ZSWIM5: variants seen among roughly 807,000 people sequenced by gnomAD.
ZSWIM5 encodes the protein zinc finger SWIM-type containing 5.
Under a neutral mutation model 119.6 loss-of-function variants are expected in ZSWIM5, and 55 were observed. The observed-to-expected ratio is 0.46, with a 90% CI of 0.37 to 0.58. The LOEUF is 0.58. Among genes scored for constraint, ZSWIM5 ranks in the 20% least tolerant of loss-of-function variants. ZSWIM5 has a pLI of 0.00. For synonymous variants in ZSWIM5, 537 were observed against 606.9 expected (o/e 0.88, Z 1.69); for missense variants, 1,193 against 1,512.8 (o/e 0.79, Z 3.51).
In ZSWIM5 at chr1:45,140,845, G is replaced by A. The variant is rs1489016921; in HGVS notation, c.596-52608C>T. Among the ~76,000 whole-genome samples, 4 of 152,166 alleles carry A rather than the reference G, an allele frequency of 2.6e-5. No homozygotes were observed. The East Asian group carries it at 5.8e-4, about 22-fold the overall frequency. ...AGATGCTGAAAAGTCATTAGTAGCA[G>A]ACAGACTGGGAAAGGAGACCAGAAT... On this transcript the variant is annotated intron_variant, in intron 1 of 13. Transcript: ENST00000359600.
At chr1:45,190,696 C>G (rs866470954) in intron 1 of ZSWIM5, among the ~76,000 whole-genome samples, 2 of 152,004 alleles carry the variant, frequency 1.3e-5, no homozygotes, top group Non-Finnish European at 2.9e-5. Context: ...CTGCCCTCAA[C>G]CAAAGTATCA....
At chr1:45,183,979 C>T (rs1468102439) in intron 1 of ZSWIM5, among the ~76,000 whole-genome samples, 1 of 152,134 alleles carries the variant, frequency 6.6e-6, no homozygotes, top group East Asian at 1.9e-4. Flanking sequence ...CCTTGATGAA[C>T]ATTGATGCAA....
At chr1:45,052,612 A>G (rs570112197) in intron 4 of ZSWIM5, among the ~76,000 whole-genome samples, 10 of 151,988 alleles carry the variant, frequency 6.6e-5, no homozygotes, top group Non-Finnish European at 1.5e-4. Context: ...TCTCCCAAAA[A>G]TACAAAAAAT....
At chr1:45,071,445 A>C (rs967989776) in intron 2 of ZSWIM5, among the ~76,000 whole-genome samples, 1 of 137,810 alleles carries the variant, frequency 7.3e-6, no homozygotes, top group Admixed American at 7.9e-5. Context: ...GTTGCAAATG[A>C]CAGAATCTCT....
At chr1:45,125,883 T>C (rs998824389) in intron 1 of ZSWIM5, among the ~76,000 whole-genome samples, 5 of 150,656 alleles carry the variant, frequency 3.3e-5, no homozygotes, top group Admixed American at 6.6e-5. Context: ...TTGGGCAGCA[T>C]AGCAATATCT....
Position 45,018,958 on chromosome 1 carries a change from C to T in ZSWIM5, c.3054G>A (p.Lys1018=), listed in dbSNP as rs765259809. ...GATGGCTCATGGCCAATGAGGCCAGCTTGAAGGCACGTAGCGGGTAGCCAC... is the reference window on the plus strand; with the variant it reads ...GATGGCTCATGGCCAATGAGGCCAGTTTGAAGGCACGTAGCGGGTAGCCAC... The part of the protein sequence containing the change: ...ELRGYPLRAF[K]LASLAMSHLN... Residue 1018 remains lysine (K), a synonymous_variant, in exon 14 of 14, where the codon AAG becomes AAA. Transcript: ENST00000359600. The surrounding 1 kb of genome is among the most constrained non-coding windows in gnomAD (Gnocchi z 6.7). 5 of 1,614,238 alleles carry T rather than the reference C, an allele frequency of 3.1e-6. No individual in the cohort carries two copies. The highest frequency in any genetic ancestry group is 2.2e-5 in the East Asian group (1 of 44,884).
intron 5 of ZSWIM5, among the ~76,000 whole-genome samples, chr1:45,044,774 TAAATATATATATATAA>T (rs1645040414): frequency 3.0e-4 from 1 of 3,292 alleles, no homozygotes; most frequent in Non-Finnish European, 6.3e-4. Context: ...TATATATATA[TAAATATATATATATAA>T]ATATATATAT....
intron 1 of ZSWIM5, among the ~76,000 whole-genome samples, chr1:45,119,793 A>G (rs750085494): frequency 6.6e-6 from 1 of 152,160 alleles, no homozygotes; most frequent in Non-Finnish European, 1.5e-5. Context: ...GTAATGACTT[A>G]CAATCCCAAA....
At position 45,206,553 on chromosome 1, in the gene ZSWIM5, G is replaced by T; in HGVS notation, c.-203C>A. 3.0e-6 allele frequency: 3 copies of T among 1,005,032 alleles called. No homozygotes were observed. Among genetic ancestry groups the T allele is most frequent in the Non-Finnish European group, 3.6e-6 (3 of 843,868 alleles). 62.3% of individuals were successfully genotyped at this position (1,005,032 alleles called of 1,614,324 possible). A position where few individuals can be genotyped will look rare whatever the true frequency, so the allele number is the denominator to read the frequency against. ...CCGCGAGGGCAGACGCGGGCGGCCTGCAGGGTAGCGTGAGGCGGCGCGCGG... is the reference window on the plus strand; with the variant it reads ...CCGCGAGGGCAGACGCGGGCGGCCTTCAGGGTAGCGTGAGGCGGCGCGCGG... On this transcript the variant is annotated 5_prime_UTR_variant, in exon 1 of 14. Transcript: ENST00000359600.
chr1:45,180,375 G>T (rs1277014536), intron 1 of ZSWIM5, among the ~76,000 whole-genome samples: 1 of 152,176 alleles, frequency 6.6e-6, no homozygotes, highest in Non-Finnish European at 1.5e-5. Flanking sequence ...AGCGAGGCTG[G>T]GGGAGGGGCG....
intron 1 of ZSWIM5, 27 bp downstream of exon 1, chr1:45,205,729 C>T (rs1231729582): frequency 2.0e-6 from 3 of 1,526,584 alleles, no homozygotes; most frequent in East Asian, 5.3e-5. Context: ...AGGCTGAGGA[C>T]CCGAGAACGC....
rs1322089823 is a variant in ZSWIM5 at position 45,036,253 on chromosome 1, AG to A, written c.1940del (p.Ala647ValfsTer20). 3 of 1,614,090 alleles carry A rather than the reference AG, an allele frequency of 1.9e-6. No individual in the cohort carries two copies. The highest frequency in any genetic ancestry group is 3.3e-4 in the Middle Eastern group (2 of 6,004). ...RPPVYQHVPV[A>X]AGSPNSSESY... is the part of the protein sequence containing the mutation. ...ACTCACTGCTGTTTGGGGAGCCTGC[AG>A]CCACAGGTACATGCTGGTACACAGG... is the stretch of plus-strand genomic sequence containing the variant. On this transcript the variant is annotated frameshift_variant, in exon 9 of 14. Transcript: ENST00000359600. LOFTEE classifies it high-confidence loss of function.
intron 1 of ZSWIM5, among the ~76,000 whole-genome samples, chr1:45,138,461 C>T (rs766130732): frequency 4.8e-5 from 7 of 145,842 alleles, no homozygotes; most frequent in Non-Finnish European, 8.9e-5. Flanking sequence ...GCCAAGACCA[C>T]GCCATTGCAC....
At chr1:45,044,979 T>C (rs1645045600) in intron 5 of ZSWIM5, among the ~76,000 whole-genome samples, 1 of 143,766 alleles carries the variant, frequency 7.0e-6, no homozygotes, top group Non-Finnish European at 1.5e-5. Context: ...CCAGCCTGAG[T>C]AACAAAGCAA....
At chr1:45,190,975 C>CT (rs1218449401) in intron 1 of ZSWIM5, among the ~76,000 whole-genome samples, 1 of 101,210 alleles carries the variant, frequency 9.9e-6, no homozygotes, top group African/African-American at 4.0e-5. Flanking sequence ...GAGACGGAGT[C>CT]TCGCTCTTTC....
At chr1:45,106,451 G>A (rs55826381) in intron 1 of ZSWIM5, among the ~76,000 whole-genome samples, 7,278 of 138,464 alleles carry the variant, frequency 0.053, 217 homozygotes, top group East Asian at 0.1. Flanking sequence ...GCCTCTGCCC[G>A]GCCGCCCTGT....
chr1:45,037,260 A>C (rs1644990963), intron 8 of ZSWIM5, among the ~76,000 whole-genome samples: 1 of 150,940 alleles, frequency 6.6e-6, no homozygotes, highest in Non-Finnish European at 1.5e-5. Flanking sequence ...ACAGGCACAC[A>C]CCACCACACC....
chr1:45,025,492 A>C (rs1351944714), intron 11 of ZSWIM5, among the ~76,000 whole-genome samples: 1 of 152,068 alleles, frequency 6.6e-6, no homozygotes, highest in Non-Finnish European at 1.5e-5. Context: ...ATTTTTTTTC[A>C]TCCAAGTTTT....
intron 1 of ZSWIM5, among the ~76,000 whole-genome samples, chr1:45,199,469 T>C (rs911669972): frequency 6.6e-6 from 1 of 152,098 alleles, no homozygotes; most frequent in Non-Finnish European, 1.5e-5. Context: ...TGGCTAATAT[T>C]TTTGTATTTT....
Sources: allele counts gnomAD v4.1 joint callset (sites outside exome capture counted in the v4.1 genomes callset), GRCh38; gene constraint gnomAD v4.1.1; non-coding constraint Gnocchi (gnomAD v3.1); transcripts MANE v1.5; gene names NCBI Gene and HGNC (gene_info 2026-07-23, HGNC 2026-07-21).